ANKRD31: variants seen among roughly 807,000 people sequenced by gnomAD.
The protein encoded by ANKRD31 is ankyrin repeat domain 31.
Under a neutral mutation model 186.0 loss-of-function variants are expected in ANKRD31, and 147 were observed. That is an observed-to-expected ratio of 0.79 (90% confidence interval 0.69 to 0.91). ANKRD31 has a LOEUF of 0.91. Ranked by LOEUF, ANKRD31 falls within the 40% of genes least tolerant of loss-of-function variation. The pLI, the probability that ANKRD31 is intolerant of heterozygous loss-of-function variation, is 0.00. For missense variants in ANKRD31, 1,986 were observed against 2,148.8 expected (o/e 0.92, Z 1.50); for synonymous variants, 673 against 736.4 (o/e 0.91, Z 1.39).
chr5:75,227,074 T>G (rs1276158932), intron 2 of ANKRD31, among the ~76,000 whole-genome samples: 1 of 152,136 alleles, frequency 6.6e-6, no homozygotes, highest in East Asian at 1.9e-4. Context: ...AAATGTGATA[T>G]ATATACACAG....
intron 11 of ANKRD31, among the ~76,000 whole-genome samples, chr5:75,156,755 G>C (rs1391161278): frequency 6.6e-6 from 1 of 152,130 alleles, no homozygotes; most frequent in East Asian, 1.9e-4. Flanking sequence ...AATCAAGGAA[G>C]GCTGGCAGCC....
chr5:75,199,236 C>T (rs1755656798), intron 6 of ANKRD31, among the ~76,000 whole-genome samples: 1 of 152,092 alleles, frequency 6.6e-6, no homozygotes, highest in African/African-American at 2.4e-5. Flanking sequence ...TGCCTAGCAT[C>T]CCTGAGGAAA....
intron 25 of ANKRD31, among the ~76,000 whole-genome samples, chr5:75,070,937 A>G (rs1226361820): frequency 1.3e-5 from 2 of 152,168 alleles, no homozygotes; most frequent in Non-Finnish European, 2.9e-5. Flanking sequence ...TATAAAACAA[A>G]ATTTGTCTGC....
intron 10 of ANKRD31, among the ~76,000 whole-genome samples, chr5:75,185,101 A>C (rs867667288): frequency 6.6e-6 from 1 of 152,230 alleles, no homozygotes. Context: ...AAGTGAAATA[A>C]GATATGCACA....
At chr5:75,114,169 C>T (rs532689768) in intron 19 of ANKRD31, among the ~76,000 whole-genome samples, 35 of 152,034 alleles carry the variant, frequency 2.3e-4, no homozygotes, top group Non-Finnish European at 4.1e-4. Flanking sequence ...TGATGGGTTT[C>T]GCAGCAAAGT....
chr5:75,175,584 A>C (rs1345293314), intron 10 of ANKRD31, among the ~76,000 whole-genome samples: 1 of 151,970 alleles, frequency 6.6e-6, no homozygotes, highest in Admixed American at 6.6e-5. Flanking sequence ...TGTATCTGTC[A>C]ACATTCATCA....
At chr5:75,095,473 CA>C (rs61017772) in intron 22 of ANKRD31, among the ~76,000 whole-genome samples, 36 of 144,680 alleles carry the variant, frequency 2.5e-4, no homozygotes, top group South Asian at 1.1e-3. Context: ...GACTCCGTCT[CA>C]AAAAAAAAAA....
chr5:75,131,002 A>T (rs1406026651), intron 17 of ANKRD31, among the ~76,000 whole-genome samples: 2 of 152,244 alleles, frequency 1.3e-5, no homozygotes, highest in African/African-American at 4.8e-5. Context: ...CCCCACAAAG[A>T]GAGAACGGTG....
intron 16 of ANKRD31, among the ~76,000 whole-genome samples, chr5:75,138,600 A>C (rs1269681531): frequency 1.3e-5 from 2 of 152,014 alleles, no homozygotes; most frequent in East Asian, 1.9e-4. Flanking sequence ...AACTCCCTTT[A>C]CTCCCCGTTC....
intron 10 of ANKRD31, among the ~76,000 whole-genome samples, chr5:75,172,277 C>A (rs1454352150): frequency 1.3e-5 from 2 of 150,896 alleles, no homozygotes; most frequent in African/African-American, 4.9e-5. Context: ...GCTAATTCAC[C>A]ACAGTAGTGA....
At chr5:75,129,214 C>G (rs936208226) in intron 17 of ANKRD31, among the ~76,000 whole-genome samples, 2 of 152,320 alleles carry the variant, frequency 1.3e-5, no homozygotes, top group Middle Eastern at 6.8e-3. Flanking sequence ...TACTACCCTT[C>G]ACCTTCCACC....
chr5:75,105,325 A>C, intron 21 of ANKRD31, 107 bp from the exon 22 acceptor site: 1 of 1,227,686 alleles, frequency 8.1e-7, no homozygotes, highest in Non-Finnish European at 1.1e-6. Context: ...AATCACTTTA[A>C]AATACACAAA....
chr5:75,080,753 A>C (rs1446830869), intron 24 of ANKRD31, 114 bp from the exon 25 acceptor site: 2 of 524,050 alleles, frequency 3.8e-6, no homozygotes, highest in African/African-American at 3.9e-5. Context: ...CTTCCTTGAC[A>C]TTTTAGGAGA....
At chr5:75,232,534 G>A (rs1333120379) in intron 1 of ANKRD31, among the ~76,000 whole-genome samples, 1 of 150,974 alleles carries the variant, frequency 6.6e-6, no homozygotes, top group Non-Finnish European at 1.5e-5. Flanking sequence ...GATTACAGCT[G>A]TGAGCGACTG....
chr5:75,095,333 G>A (rs1335069878), intron 22 of ANKRD31, among the ~76,000 whole-genome samples: 3 of 152,048 alleles, frequency 2.0e-5, no homozygotes, highest in African/African-American at 7.3e-5. Flanking sequence ...AATTATCCAG[G>A]TGTGGTGGCG....
In ANKRD31 at chr5:75,146,122, T is replaced by C; in HGVS notation, c.3289A>G (p.Lys1097Glu). 6.5e-7 allele frequency: 1 copy of C among 1,536,130 alleles called. No homozygotes were observed. Among genetic ancestry groups the C allele is most frequent in the South Asian group, 1.2e-5 (1 of 83,970 alleles). The change falls in exon 14 of 26, where the codon AAA (lysine) becomes GAA (glutamate). Residue 1097 changes from lysine to glutamate, a missense_variant. By Grantham distance (56) the Lys-to-Glu change is moderately conservative (BLOSUM62 1). Transcript: ENST00000506364. ...CTTTCTAGATGGTTTTGTCTCCTTT[T>C]TTCAACTTTAGTTGTTTCTATTACT... is the stretch of plus-strand genomic sequence containing the variant. ...SQVIETTKVE[K>E]RRQNHLESET...
chr5:75,121,495 G>A (rs184700316), intron 17 of ANKRD31, among the ~76,000 whole-genome samples: 30 of 152,068 alleles, frequency 2.0e-4, no homozygotes, highest in African/African-American at 6.5e-4. Flanking sequence ...ATCCAACATC[G>A]CAGAATATAC....
chr5:75,167,759 C>T (rs1480150534), intron 11 of ANKRD31, among the ~76,000 whole-genome samples: 1 of 151,952 alleles, frequency 6.6e-6, no homozygotes, highest in Non-Finnish European at 1.5e-5. Flanking sequence ...GAGCCAAGTT[C>T]GAAGTGGGGC....
At chr5:75,179,387 G>T (rs1340350919) in intron 10 of ANKRD31, among the ~76,000 whole-genome samples, 1 of 152,146 alleles carries the variant, frequency 6.6e-6, no homozygotes, top group Admixed American at 6.5e-5. Context: ...CATTTGATGA[G>T]GCCAGCATCA....
Sources: gnomAD v4.1 joint callset for allele counts (sites outside exome capture counted in the v4.1 genomes callset) on GRCh38, gnomAD v4.1.1 for gene constraint, MANE v1.5 for transcripts, NCBI Gene and HGNC (gene_info 2026-07-23, HGNC 2026-07-21) for gene names.